The following ARMH3 variants were observed in gnomAD, a reference collection of about 807,000 sequenced individuals.
The protein encoded by ARMH3 is armadillo-like helical domain-containing protein 3.
ARMH3 carries 60 observed loss-of-function variants against 99.1 expected under a neutral mutation model. That is an observed-to-expected ratio of 0.61 (90% CI 0.49 to 0.75). ARMH3 has a LOEUF of 0.75. Ranked by LOEUF, ARMH3 falls within the 30% of genes least tolerant of loss-of-function variation. ARMH3 has a pLI of 0.00. For synonymous variants in ARMH3, 285 were observed against 292.8 expected, an observed-to-expected ratio of 0.97 and a Z score of 0.27; for missense variants, 679 against 843.1, an observed-to-expected ratio of 0.81 and a Z score of 2.41.
intron 1 of ARMH3, among the ~76,000 whole-genome samples, chr10:102,055,447 G>C (rs962276838): frequency 6.6e-6 from 1 of 152,190 alleles, no homozygotes; most frequent in African/African-American, 2.4e-5. Context: ...GCACGCCTCA[G>C]CTTCTCCTTC....
At chr10:101,852,835 C>T (rs1206977478) in intron 24 of ARMH3, among the ~76,000 whole-genome samples, 2 of 151,724 alleles carry the variant, frequency 1.3e-5, no homozygotes, top group Non-Finnish European at 2.9e-5. Context: ...CTCAGCTCTC[C>T]TCTTGTCCAG....
intron 8 of ARMH3, among the ~76,000 whole-genome samples, chr10:102,020,817 C>T (rs2066868068): frequency 6.8e-6 from 1 of 146,768 alleles, no homozygotes; most frequent in Admixed American, 7.0e-5. Context: ...CACTGCACTA[C>T]AGCCTGGGCA....
Position 102,001,992 on chromosome 10 carries a change from T to G in ARMH3, c.1129A>C (p.Ile377Leu). The G allele has an allele frequency of 6.2e-7, 1 of 1,614,190 alleles. No individual in the cohort carries two copies. Among genetic ancestry groups the G allele is most frequent in the South Asian group, 1.1e-5 (1 of 91,082 alleles). ...LLITFLKYSS[I>L]VMQDTKDEHR... ...TTACCTTTGGTGTCCTGCATGACAA[T>G]TGAGCTATACTTTAAAAAGGTTATC... The change falls in exon 15 of 26, where the codon ATT (isoleucine) becomes CTT (leucine). Residue 377 changes from isoleucine to leucine, a missense_variant. By Grantham distance (5) the Ile-to-Leu change is conservative. This residue lies in a region of ARMH3 where 389 missense variants were observed against 456.5 expected (regional missense o/e 0.85). Coordinates refer to ENST00000370033, the MANE Select transcript of ARMH3 (RefSeq NM_024541.3).
intron 8 of ARMH3, among the ~76,000 whole-genome samples, chr10:102,019,702 C>A (rs1043206961): frequency 1.3e-5 from 2 of 151,520 alleles, no homozygotes; most frequent in African/African-American, 2.4e-5. Context: ...CCGAGGCGGG[C>A]GGATCACAAG....
At chr10:101,897,636 A>C (rs574137711) in intron 23 of ARMH3, among the ~76,000 whole-genome samples, 5 of 151,708 alleles carry the variant, frequency 3.3e-5, no homozygotes, top group African/African-American at 1.2e-4. Context: ...GGTGTGGGGG[A>C]ATGTGTTTTA....
chr10:101,966,078 C>T (rs578128326), intron 20 of ARMH3, among the ~76,000 whole-genome samples: 1 of 149,676 alleles, frequency 6.7e-6, no homozygotes, highest in Non-Finnish European at 1.5e-5. Context: ...AGCAGACAAT[C>T]TAATTTTTTT....
rs552015109 is a variant in ARMH3, at chr10:101,953,252, C to G, written c.1705+3345G>C. Among the ~76,000 whole-genome samples the G allele has an allele frequency of 1.2e-4, 19 of 152,276 alleles. No homozygotes were observed. The South Asian group carries it at 2.7e-3, about 22-fold the overall frequency. On this transcript the variant is annotated intron_variant, in intron 22 of 25. Transcript: ENST00000370033. ...TCCAGTGATCCTCCCACCTTAGCCT[C>G]CCAAGTTGCTAGGACCATAAGCATG...
In ARMH3 at chr10:102,029,380, A is replaced by G. The variant is rs1047375935; in HGVS notation, c.414+258T>C. The stretch of plus-strand genomic sequence containing the variant: ...TAAATGTTCTTAAGAATGTATGATC[A>G]TATGATACGAGTAATAAAATAAACT... On this transcript the variant is annotated intron_variant, in intron 5 of 25. Transcript: ENST00000370033. 3.7e-5 allele frequency: 48 copies of G among 1,314,580 alleles called. No homozygotes were observed. In the Middle Eastern group the frequency reaches 1.3e-3, roughly 36 times the overall value. 81.4% of individuals were successfully genotyped at this position (1,314,580 alleles called of 1,614,324 possible).
intron 2 of ARMH3, among the ~76,000 whole-genome samples, chr10:102,039,532 A>T (rs2067358504): frequency 6.6e-6 from 1 of 152,214 alleles, no homozygotes; most frequent in Admixed American, 6.5e-5. Flanking sequence ...ATAATTCCTC[A>T]GTTATCCCCT....
At chr10:102,040,705 G>C (rs1178495238) in intron 1 of ARMH3, among the ~76,000 whole-genome samples, 3 of 152,086 alleles carry the variant, frequency 2.0e-5, no homozygotes, top group African/African-American at 7.2e-5. Context: ...AAACACAAAA[G>C]TGTAACTCGC....
At chr10:101,970,701 T>C (rs1327775291) in intron 20 of ARMH3, among the ~76,000 whole-genome samples, 1 of 151,452 alleles carries the variant, frequency 6.6e-6, no homozygotes, top group Non-Finnish European at 1.5e-5. Flanking sequence ...AGTACGCATC[T>C]GTAGTCCCAG....
chr10:101,876,247 C>CAAAAAA (rs34928343), intron 24 of ARMH3, among the ~76,000 whole-genome samples: 31 of 83,432 alleles, frequency 3.7e-4, no homozygotes, highest in African/African-American at 8.2e-4. Flanking sequence ...GGCTCCATCT[C>CAAAAAA]AAAAAAAAAA....
chr10:102,019,649 C>T (rs973653261), intron 8 of ARMH3, among the ~76,000 whole-genome samples: 21 of 152,162 alleles, frequency 1.4e-4, no homozygotes, highest in African/African-American at 3.9e-4. Context: ...AAAGCTGGGC[C>T]GGGCGCGGTG....
chr10:101,940,374 T>C (rs1844183054), intron 22 of ARMH3, among the ~76,000 whole-genome samples: 1 of 152,144 alleles, frequency 6.6e-6, no homozygotes, highest in Non-Finnish European at 1.5e-5. Context: ...TGTATATGCA[T>C]AAACTCCTTA....
chr10:101,901,727 AG>A lies in ARMH3; in HGVS notation c.1782-12238del, dbSNP rs141170783. Reference sequence around the variant, plus strand: ...GTTGGCTACAGAAGGGAGGCTTGAGAGGTAGAGAGGATGGGAGAAAGCAGGG... The same window carrying A: ...GTTGGCTACAGAAGGGAGGCTTGAGAGTAGAGAGGATGGGAGAAAGCAGGG... On this transcript the variant is annotated intron_variant, in intron 23 of 25. Coordinates refer to ENST00000370033, the MANE Select transcript of ARMH3 (RefSeq NM_024541.3). 9.3e-3 allele frequency among the ~76,000 whole-genome samples: 1,418 copies of A among 152,246 alleles called. 18 individuals carry two copies. Among genetic ancestry groups the A allele is most frequent in the African/African-American group, 0.032 (1,349 of 41,530 alleles).
chr10:102,024,686 G>C (rs548167245), intron 6 of ARMH3, among the ~76,000 whole-genome samples: 1 of 151,794 alleles, frequency 6.6e-6, no homozygotes, highest in South Asian at 2.1e-4. Context: ...GGGCATGGTG[G>C]CACATGCCTG....
intron 24 of ARMH3, among the ~76,000 whole-genome samples, chr10:101,855,900 T>A (rs1195009585): frequency 1.3e-5 from 2 of 151,788 alleles, no homozygotes; most frequent in Non-Finnish European, 2.9e-5. Context: ...TTGCCCAAAG[T>A]CATAAAACTG....
chr10:102,055,982 G>A (rs1279236397), intron 1 of ARMH3, 103 bp downstream of exon 1: 1 of 152,470 alleles, frequency 6.6e-6, no homozygotes, highest in Non-Finnish European at 1.5e-5. Flanking sequence ...GGCCAGCGCA[G>A]GCCCCGCCCC....
chr10:101,848,635 G>C (rs1299752972), intron 25 of ARMH3, among the ~76,000 whole-genome samples: 1 of 152,164 alleles, frequency 6.6e-6, no homozygotes, highest in Non-Finnish European at 1.5e-5. Context: ...GGAAACTTGA[G>C]CTCATTAGCT....
Sources: gnomAD v4.1 joint callset for allele counts (sites outside exome capture counted in the v4.1 genomes callset) on GRCh38, gnomAD v4.1.1 for gene constraint, gnomAD v4.1.1 regional missense constraint, MANE v1.5 for transcripts, NCBI Gene and HGNC (gene_info 2026-07-23, HGNC 2026-07-21) for gene names.